Variants in SPATS2L observed in about 807,000 individuals in gnomAD.
The protein encoded by SPATS2L is SPATS2-like protein.
SPATS2L carries 30 observed loss-of-function variants against 59.6 expected under a neutral mutation model. The ratio of observed to expected loss-of-function variants is 0.50; its 90% CI spans 0.38 to 0.68. The LOEUF is 0.68. SPATS2L is among the 30% of genes least tolerant of loss of function. The pLI, the probability that SPATS2L is intolerant of heterozygous loss-of-function variation, is 0.00. For missense variants in SPATS2L, 615 were observed against 700.0 expected (o/e 0.88, Z 1.37); for synonymous variants, 252 against 263.5 (o/e 0.96, Z 0.42).
chr2:200,332,792 G>GTA, intron 2 of SPATS2L, among the ~76,000 whole-genome samples: 1 of 149,594 alleles, frequency 6.7e-6, no homozygotes. Context: ...GTGTGTGTGT[G>GTA]TGTATGTATG....
At chr2:200,380,882 T>C (rs769690857) in intron 2 of SPATS2L, among the ~76,000 whole-genome samples, 15 of 152,246 alleles carry the variant, frequency 9.9e-5, no homozygotes, top group Non-Finnish European at 2.1e-4. Context: ...GTCACCACCC[T>C]GTTTCATTGT....
At chr2:200,396,290 G>T (rs1485744900) in intron 3 of SPATS2L, among the ~76,000 whole-genome samples, 1 of 151,590 alleles carries the variant, frequency 6.6e-6, no homozygotes, top group Non-Finnish European at 1.5e-5. Flanking sequence ...AACTGTTACA[G>T]TTATAGAGGT....
At chr2:200,399,839 C>T (rs1372180570) in intron 3 of SPATS2L, among the ~76,000 whole-genome samples, 1 of 152,184 alleles carries the variant, frequency 6.6e-6, no homozygotes, top group Non-Finnish European at 1.5e-5. Flanking sequence ...ATTAACCCAA[C>T]TCCCTTATTC....
intron 8 of SPATS2L, among the ~76,000 whole-genome samples, chr2:200,451,046 C>T (rs116470161): frequency 0.017 from 2,560 of 152,150 alleles, 64 homozygotes; most frequent in African/African-American, 0.057. Flanking sequence ...ATGATGGGCA[C>T]GGTGGCTCAC....
At chr2:200,437,956 G>A (rs933808935) in intron 6 of SPATS2L, among the ~76,000 whole-genome samples, 6 of 152,006 alleles carry the variant, frequency 3.9e-5, no homozygotes, top group African/African-American at 1.5e-4. Context: ...GAAAGCCATC[G>A]AGCCAGACAC....
intron 1 of SPATS2L, among the ~76,000 whole-genome samples, chr2:200,310,529 G>A (rs1477850197): frequency 1.3e-5 from 2 of 152,052 alleles, no homozygotes; most frequent in South Asian, 2.1e-4. Flanking sequence ...CACTTCCACC[G>A]TATCAACCTT....
chr2:200,447,340 G>C (rs944117819), intron 8 of SPATS2L, among the ~76,000 whole-genome samples: 1 of 152,204 alleles, frequency 6.6e-6, no homozygotes, highest in African/African-American at 2.4e-5. Flanking sequence ...CAGCCATTAT[G>C]CTCTTTAAGC....
At chr2:200,316,857 T>C (rs1184564510) in intron 1 of SPATS2L, among the ~76,000 whole-genome samples, 1 of 152,154 alleles carries the variant, frequency 6.6e-6, no homozygotes, top group African/African-American at 2.4e-5. Context: ...TAGAATTGAA[T>C]AATTTGCCTG....
At chr2:200,371,491 A>G (rs1162889382) in intron 2 of SPATS2L, among the ~76,000 whole-genome samples, 1 of 152,128 alleles carries the variant, frequency 6.6e-6, no homozygotes, top group Non-Finnish European at 1.5e-5. Context: ...ATGGATCCCC[A>G]TTGTAGAATA....
intron 8 of SPATS2L, among the ~76,000 whole-genome samples, chr2:200,456,416 T>C (rs1429759351): frequency 6.6e-6 from 1 of 152,206 alleles, no homozygotes; most frequent in African/African-American, 2.4e-5. Flanking sequence ...TTAAGCAGAT[T>C]AACAATTTAT....
intron 6 of SPATS2L, among the ~76,000 whole-genome samples, chr2:200,431,566 TAACTC>T (rs1375250647): frequency 1.9e-4 from 29 of 152,230 alleles, no homozygotes; most frequent in Non-Finnish European, 3.7e-4. Context: ...GAAACCATCT[TAACTC>T]AAAGGGTTAA....
At chr2:200,392,142 G>A (rs563376917) in intron 3 of SPATS2L, among the ~76,000 whole-genome samples, 2 of 152,124 alleles carry the variant, frequency 1.3e-5, no homozygotes, top group East Asian at 1.9e-4. Flanking sequence ...CTGATCTTTG[G>A]CTGAGGGCTC....
chr2:200,375,847 G>A (rs2081581473), intron 2 of SPATS2L, among the ~76,000 whole-genome samples: 1 of 152,044 alleles, frequency 6.6e-6, no homozygotes, highest in Non-Finnish European at 1.5e-5. Flanking sequence ...GGCTGCTCTC[G>A]AACTCCTGGA....
At chr2:200,435,899 A>G (rs2084255524) in intron 6 of SPATS2L, among the ~76,000 whole-genome samples, 1 of 152,184 alleles carries the variant, frequency 6.6e-6, no homozygotes, top group Admixed American at 6.6e-5. Flanking sequence ...ATTTAACTTA[A>G]TGTATCAAAA....
intron 2 of SPATS2L, among the ~76,000 whole-genome samples, chr2:200,349,459 A>T (rs1238373635): frequency 1.3e-5 from 2 of 152,224 alleles, no homozygotes; most frequent in African/African-American, 4.8e-5. Context: ...AACATGGTGA[A>T]ACCTCGTCTC....
At chr2:200,412,929 C>T (rs569600235) in intron 4 of SPATS2L, among the ~76,000 whole-genome samples, 11 of 152,016 alleles carry the variant, frequency 7.2e-5, no homozygotes, top group Non-Finnish European at 1.3e-4. Flanking sequence ...TAGTAATGCA[C>T]GCCTGTAGTC....
intron 2 of SPATS2L, among the ~76,000 whole-genome samples, chr2:200,350,921 G>T (rs1280320031): frequency 1.3e-5 from 2 of 152,014 alleles, no homozygotes; most frequent in Non-Finnish European, 1.5e-5. Context: ...GTTTCCTTTG[G>T]AATGTTGAGG....
chr2:200,413,417 T>C (rs2082953285), intron 4 of SPATS2L, among the ~76,000 whole-genome samples: 2 of 152,224 alleles, frequency 1.3e-5, no homozygotes, highest in Admixed American at 1.3e-4. Context: ...TACAACGTAA[T>C]GCTTTGGATT....
chr2:200,417,331 T>C (rs2083107524), intron 5 of SPATS2L, among the ~76,000 whole-genome samples: 1 of 152,042 alleles, frequency 6.6e-6, no homozygotes, highest in Non-Finnish European at 1.5e-5. Context: ...TAGTTTCATG[T>C]AGAGTAGGAA....
Sources: allele counts gnomAD v4.1 joint callset (sites outside exome capture counted in the v4.1 genomes callset), GRCh38; gene constraint gnomAD v4.1.1; transcripts MANE v1.5; gene names NCBI Gene and HGNC (gene_info 2026-07-23, HGNC 2026-07-21).